Variants in CHIC1 observed in about 807,000 individuals in gnomAD.
CHIC1 encodes cysteine rich hydrophobic domain 1.
Under a neutral mutation model 18.5 loss-of-function variants are expected in CHIC1, and 7 were observed. The ratio of observed to expected loss-of-function variants is 0.38; its 90% confidence interval spans 0.22 to 0.71. CHIC1 has a LOEUF of 0.71. Among genes scored for constraint, CHIC1 ranks in the 30% least tolerant of loss-of-function variants. The pLI, the probability that CHIC1 is intolerant of heterozygous loss-of-function variation, is 0.49. For missense variants in CHIC1, 159 were observed against 176.9 expected (o/e 0.90, Z 0.57); for synonymous variants, 77 against 73.5 (o/e 1.05, Z -0.25).
Position 73,660,705 on chromosome X carries a change from G to T in CHIC1, c.508-18621G>T, listed in dbSNP as rs1159922673. 2.7e-5 allele frequency among the ~76,000 whole-genome samples: 3 copies of T among 110,711 alleles called. No individual in the cohort carries two copies. The Admixed American group carries it at 2.9e-4, about 11-fold the overall frequency. On this transcript the variant is annotated intron_variant, in intron 3 of 5. Coordinates refer to ENST00000373502, the MANE Select transcript of CHIC1 (RefSeq NM_001039840.4). ...TGCAGGGTCATTTTCTTCATTTCTG[G>T]TACCGGGTTGGGTCCTAGCCACGCC... is the stretch of plus-strand genomic sequence containing the variant.
At chrX:73,595,347 C>T (rs2057602389) in intron 3 of CHIC1, among the ~76,000 whole-genome samples, 2 of 110,545 alleles carry the variant, frequency 1.8e-5, no homozygotes, top group South Asian at 3.9e-4. Context: ...CGACAGGCCC[C>T]GGTGTGTGCT....
chrX:73,653,153 C>T (rs187689370), intron 3 of CHIC1, among the ~76,000 whole-genome samples: 1 of 110,018 alleles, frequency 9.1e-6, no homozygotes, highest in South Asian at 4.0e-4. Context: ...TGCTCTCACT[C>T]ATAAGTGGGA....
At chrX:73,583,507 C>A (rs2057537642) in intron 2 of CHIC1, among the ~76,000 whole-genome samples, 1 of 111,126 alleles carries the variant, frequency 9.0e-6, no homozygotes, top group African/African-American at 3.3e-5. Flanking sequence ...GCTTTTATAG[C>A]CAGATGCTAA....
chrX:73,601,928 A>G (rs1332973414), intron 3 of CHIC1, among the ~76,000 whole-genome samples: 1 of 105,250 alleles, frequency 9.5e-6, no homozygotes, highest in Non-Finnish European at 1.9e-5. Context: ...AGAATACTAT[A>G]AACACCTCTA....
chrX:73,675,442 T>C (rs891407544), intron 3 of CHIC1, among the ~76,000 whole-genome samples: 1 of 112,231 alleles, frequency 8.9e-6, no homozygotes, highest in Non-Finnish European at 1.9e-5. Flanking sequence ...ATATTTAGGA[T>C]AGTTAGCTCT....
At chrX:73,670,772 G>A (rs1463035868) in intron 3 of CHIC1, among the ~76,000 whole-genome samples, 1 of 111,083 alleles carries the variant, frequency 9.0e-6, no homozygotes, top group Non-Finnish European at 1.9e-5. Context: ...TATTGACCTA[G>A]TGGTCTTTCA....
intron 1 of CHIC1, among the ~76,000 whole-genome samples, chrX:73,574,255 C>T (rs1049090385): frequency 9.0e-6 from 1 of 110,815 alleles, no homozygotes; most frequent in Non-Finnish European, 1.9e-5. Context: ...GTTGAACCAA[C>T]CTTGCATCCC....
At chrX:73,643,937 A>C in intron 3 of CHIC1, among the ~76,000 whole-genome samples, 1 of 111,669 alleles carries the variant, frequency 9.0e-6, no homozygotes, top group Middle Eastern at 4.6e-3. Flanking sequence ...GGAGGAGGAG[A>C]GGCGCTCAGC....
chrX:73,637,973 C>A (rs1383420485), intron 3 of CHIC1, among the ~76,000 whole-genome samples: 1 of 111,136 alleles, frequency 9.0e-6, no homozygotes, highest in East Asian at 2.8e-4. Context: ...AAAACCTCAT[C>A]TGCCAATCTT....
At chrX:73,652,281 C>A (rs1475577662) in intron 3 of CHIC1, among the ~76,000 whole-genome samples, 1 of 111,787 alleles carries the variant, frequency 8.9e-6, no homozygotes, top group African/African-American at 3.3e-5. Flanking sequence ...ACCATAAAAG[C>A]CTTAGAAAAA....
At chrX:73,612,510 A>C (rs1432903007) in intron 3 of CHIC1, among the ~76,000 whole-genome samples, 1 of 111,261 alleles carries the variant, frequency 9.0e-6, no homozygotes, top group African/African-American at 3.3e-5. Context: ...GTTGTGTTTC[A>C]GTTTTCATTT....
Position 73,681,688 on chromosome X carries a change from T to C in CHIC1, c.*683T>C, listed in dbSNP as rs778945910. On this transcript the variant is annotated 3_prime_UTR_variant, in exon 6 of 6. Coordinates refer to ENST00000373502, the MANE Select transcript of CHIC1 (RefSeq NM_001039840.4). ...ATGAATGAAGTTTGCAAGCATCCCT[T>C]TGAATGTAGAAACTGCTAACATGCT... 3 of 112,451 alleles carry C rather than the reference T, an allele frequency of 2.7e-5. No homozygotes were observed. The highest frequency in any genetic ancestry group is 5.7e-5 in the Non-Finnish European group (3 of 52,991). The allele number at this position is 112,451 out of a possible 1,213,427, so 9.3% of individuals were successfully genotyped here. A position where few individuals can be genotyped will look rare whatever the true frequency, so the allele number is the denominator to read the frequency against.
intron 1 of CHIC1, among the ~76,000 whole-genome samples, chrX:73,572,362 A>G (rs1209171863): frequency 9.0e-6 from 1 of 110,754 alleles, no homozygotes; most frequent in African/African-American, 3.3e-5. Flanking sequence ...CTAGTCCGCC[A>G]TTGATGGACC....
chrX:73,601,717 G>A (rs1467615292), intron 3 of CHIC1, among the ~76,000 whole-genome samples: 4 of 103,715 alleles, frequency 3.9e-5, no homozygotes, highest in Non-Finnish European at 5.8e-5. Flanking sequence ...AATCAGAGCA[G>A]AACTGAAGGA....
chrX:73,680,625 CAAAG>C (rs1223276950), intron 5 of CHIC1, among the ~76,000 whole-genome samples: 2 of 110,572 alleles, frequency 1.8e-5, no homozygotes, highest in African/African-American at 6.5e-5. Context: ...ACTTTGCTAA[CAAAG>C]AGATAGGGGT....
Position 73,682,067 on chromosome X carries a change from A to C in CHIC1, c.*1062A>C, listed in dbSNP as rs1485991468. 9.0e-6 allele frequency: 1 copy of C among 111,556 alleles called. No individual in the cohort carries two copies. Among genetic ancestry groups the C allele is most frequent in the Non-Finnish European group, 1.9e-5 (1 of 52,817 alleles). The allele number at this position is 111,556 out of a possible 1,213,427, so 9.2% of individuals were successfully genotyped here. On this transcript the variant is annotated 3_prime_UTR_variant, in exon 6 of 6. Coordinates refer to ENST00000373502, the MANE Select transcript of CHIC1 (RefSeq NM_001039840.4). The stretch of plus-strand genomic sequence containing the variant: ...TTGAAAGCCACTAACACCTTTCTGC[A>C]GTTCTGATATTCTAGTTTGAGAAAG...
chrX:73,591,293 G>C (rs1473727905), intron 3 of CHIC1, among the ~76,000 whole-genome samples: 1 of 110,439 alleles, frequency 9.1e-6, no homozygotes, highest in Non-Finnish European at 1.9e-5. Flanking sequence ...CATGGGTACA[G>C]GATGGTTCCT....
intron 2 of CHIC1, among the ~76,000 whole-genome samples, chrX:73,583,509 A>G (rs1462293994): frequency 9.0e-6 from 1 of 111,482 alleles, no homozygotes. Flanking sequence ...TTTTATAGCC[A>G]GATGCTAAAT....
At position 73,618,954 on chromosome X, in the gene CHIC1, A is replaced by C. The variant is rs960984778; in HGVS notation, c.507+34382A>C. 4.5e-5 allele frequency among the ~76,000 whole-genome samples: 5 copies of C among 112,282 alleles called. No individual in the cohort carries two copies. In the South Asian group the frequency reaches 1.9e-3, roughly 42 times the overall value. On this transcript the variant is annotated intron_variant, in intron 3 of 5. Transcript: ENST00000373502. Reference sequence around the variant, plus strand: ...GTCAGAAATGGCTTCTTTGGGGGCCAAGAGAGCCCACAGGGCACTTCCTGC... The same window carrying C: ...GTCAGAAATGGCTTCTTTGGGGGCCCAGAGAGCCCACAGGGCACTTCCTGC...
Sources: gnomAD v4.1 joint callset for allele counts (sites outside exome capture counted in the v4.1 genomes callset) on GRCh38, gnomAD v4.1.1 for gene constraint, MANE v1.5 for transcripts, NCBI Gene and HGNC (gene_info 2026-07-23, HGNC 2026-07-21) for gene names.